Variants in PDE12 observed in about 807,000 individuals in gnomAD.
PDE12 encodes phosphodiesterase 12.
In PDE12, 26 loss-of-function variants were observed where a neutral mutation model predicts 45.4. That is an observed-to-expected ratio of 0.57 (90% CI 0.42 to 0.79). The LOEUF is 0.79. Ranked by LOEUF, PDE12 falls within the 30% of genes least tolerant of loss-of-function variation. The pLI is 0.00. For missense variants in PDE12, 668 were observed against 790.0 expected, an observed-to-expected ratio of 0.85 and a Z score of 1.85; for synonymous variants, 283 against 323.9, an observed-to-expected ratio of 0.87 and a Z score of 1.36.
the PDE12 span, chr3:57,641,744 G>A: frequency 6.2e-7 from 1 of 1,611,078 alleles, no homozygotes; most frequent in Non-Finnish European, 8.5e-7. Context: ...ATATAACTGA[G>A]GGCCTATAAA....
the PDE12 span, chr3:57,600,636 G>A: frequency 6.6e-6 from 1 of 152,148 alleles, no homozygotes; most frequent in African/African-American, 2.4e-5. Flanking sequence ...TCCAGCTGCT[G>A]AGCTCAGGCG....
chr3:57,573,688 C>G, the PDE12 span, among the ~76,000 whole-genome samples: 1 of 151,854 alleles, frequency 6.6e-6, no homozygotes, highest in Non-Finnish European at 1.5e-5. Context: ...TCAAGAGATT[C>G]TCGTGCCTTC....
chr3:57,589,249 C>G, the PDE12 span, among the ~76,000 whole-genome samples: 2 of 152,018 alleles, frequency 1.3e-5, no homozygotes, highest in African/African-American at 4.8e-5. Flanking sequence ...GCCTGGGCAA[C>G]AGAATTGAGA....
rs1042728390 is a variant in PDE12 at position 57,556,704 on chromosome 3, T to C, written c.325T>C (p.Ser109Pro). The change falls in exon 1 of 3, where the codon TCA (serine) becomes CCA (proline). Residue 109 changes from serine (S) to proline (P), a missense_variant. Coordinates refer to ENST00000311180, the MANE Select transcript of PDE12 (RefSeq NM_177966.7). This position sits in a 1 kb window ranked among gnomAD's most constrained non-coding sequence, Gnocchi z 5.0. ...RPNASGGAAC[S>P]GPGPEPAVFC... ...GAATGCTAGCGGCGGTGCGGCCTGT[T>C]CAGGGCCGGGGCCTGAGCCGGCTGT... 9 of 1,597,238 alleles carry C rather than the reference T, an allele frequency of 5.6e-6. No homozygotes were observed. Among genetic ancestry groups the C allele is most frequent in the Non-Finnish European group, 6.8e-6 (8 of 1,169,156 alleles).
At chr3:57,641,588 G>T in the PDE12 span, 1 of 1,347,326 alleles carries the variant, frequency 7.4e-7, no homozygotes, top group Non-Finnish European at 1.0e-6. Flanking sequence ...AATCAAGGAT[G>T]AAAAGAAAGA....
At chr3:57,654,913 C>G in the PDE12 span, 4 of 479,572 alleles carry the variant, frequency 8.3e-6, no homozygotes, top group African/African-American at 8.4e-5. Flanking sequence ...TCTACAGAAA[C>G]AAAAAGCACA....
chr3:57,644,462 C>T, the PDE12 span, among the ~76,000 whole-genome samples: 11 of 151,386 alleles, frequency 7.3e-5, no homozygotes, highest in Admixed American at 7.3e-4. Context: ...CATGCCACCA[C>T]ATCCAGCTAA....
the PDE12 span, chr3:57,645,641 T>C: frequency 4.5e-6 from 7 of 1,569,266 alleles, no homozygotes; most frequent in South Asian, 1.1e-5. Context: ...ACCTGGTCAA[T>C]AGAAGTTATT....
the PDE12 span, among the ~76,000 whole-genome samples, chr3:57,637,133 A>G: frequency 6.6e-6 from 1 of 152,168 alleles, no homozygotes; most frequent in Non-Finnish European, 1.5e-5. Flanking sequence ...ATCACATTTA[A>G]TCTTCACAAT....
chr3:57,650,032 T>A, the PDE12 span, among the ~76,000 whole-genome samples: 1 of 151,686 alleles, frequency 6.6e-6, no homozygotes, highest in Non-Finnish European at 1.5e-5. Flanking sequence ...CTAAAGTAAC[T>A]TAGGAATGGA....
chr3:57,631,670 C>T, the PDE12 span, among the ~76,000 whole-genome samples: 1 of 146,728 alleles, frequency 6.8e-6, no homozygotes, highest in Non-Finnish European at 1.5e-5. Context: ...CAAGGTAATA[C>T]AATTTAGACT....
chr3:57,623,994 A>G, the PDE12 span, among the ~76,000 whole-genome samples: 2 of 152,030 alleles, frequency 1.3e-5, no homozygotes, highest in Non-Finnish European at 2.9e-5. Context: ...TTTTAAAAAT[A>G]TTTTTTCTTT....
the PDE12 span, chr3:57,598,123 G>A: frequency 6.6e-6 from 1 of 152,088 alleles, no homozygotes; most frequent in African/African-American, 2.4e-5. Context: ...TCCTTATGTT[G>A]AGGAAGCGGA....
chr3:57,565,647 C>G lies in PDE12; in HGVS notation c.*5643C>G, dbSNP rs2069779593. ...TGAAACCCTGTCTCTACTAAAAATA[C>G]AAAAATTAGCTGGGCATGGTGGCGC... is the stretch of plus-strand genomic sequence containing the variant. On this transcript the variant is annotated 3_prime_UTR_variant, in exon 3 of 3. Coordinates refer to ENST00000311180, the MANE Select transcript of PDE12 (RefSeq NM_177966.7). 6.6e-6 allele frequency: 1 copy of G among 151,954 alleles called. No individual in the cohort carries two copies. The highest frequency in any genetic ancestry group is 2.1e-4 in the South Asian group (1 of 4,814). The allele number at this position is 151,954 out of a possible 1,614,324, so 9.4% of individuals were successfully genotyped here. A position where few individuals can be genotyped will look rare whatever the true frequency, so the allele number is the denominator to read the frequency against.
the PDE12 span, chr3:57,583,989 A>G: frequency 6.2e-7 from 1 of 1,610,862 alleles, no homozygotes. Context: ...CTTATATTCT[A>G]CTGTTTCCAC....
chr3:57,609,202 A>G, the PDE12 span, among the ~76,000 whole-genome samples: 3 of 152,188 alleles, frequency 2.0e-5, no homozygotes, highest in Non-Finnish European at 4.4e-5. Context: ...ACAAAGACAC[A>G]ACATACCAGA....
chr3:57,592,628 G>A, the PDE12 span, among the ~76,000 whole-genome samples: 2 of 152,136 alleles, frequency 1.3e-5, no homozygotes, highest in Non-Finnish European at 2.9e-5. Flanking sequence ...TTAATTAGCA[G>A]CAAATTATCA....
chr3:57,571,943 G>A, the PDE12 span: 1 of 329,376 alleles, frequency 3.0e-6, no homozygotes, highest in Non-Finnish European at 5.6e-6. Flanking sequence ...TTTAAAGGTT[G>A]CACAAGAGCT....
chr3:57,606,068 A>G, the PDE12 span, among the ~76,000 whole-genome samples: 1 of 152,186 alleles, frequency 6.6e-6, no homozygotes. Context: ...AGAAAAAAAT[A>G]TGTTAAGAAA....
Sources: gnomAD v4.1 joint callset for allele counts (sites outside exome capture counted in the v4.1 genomes callset) on GRCh38, gnomAD v4.1.1 for gene constraint, Gnocchi (gnomAD v3.1) non-coding constraint, MANE v1.5 for transcripts, NCBI Gene and HGNC (gene_info 2026-07-23, HGNC 2026-07-21) for gene names.